The following NFE2 variants were observed in gnomAD, a reference collection of about 807,000 sequenced individuals.
The protein encoded by NFE2 is nuclear factor, erythroid 2, also known as transcription factor NF-E2 45 kDa subunit.
In NFE2, 13 loss-of-function variants were observed where a neutral mutation model predicts 25.8. That is an observed-to-expected ratio of 0.50 (90% CI 0.33 to 0.80). The LOEUF (loss-of-function observed/expected upper bound fraction) is 0.80. NFE2 is among the 30% of genes least tolerant of loss of function. The probability of loss-of-function intolerance (pLI) is 0.02; values close to 1 mark genes in which losing one functional copy is unlikely to be tolerated. For missense variants in NFE2, 382 were observed against 478.9 expected (o/e 0.80, Z 1.89); for synonymous variants, 204 against 200.2 (o/e 1.02, Z -0.16).
At chr12:54,293,407 T>C (rs754736360) in intron 2 of NFE2, 26 bp from the exon 3 acceptor site, 1 of 1,445,748 alleles carries the variant, frequency 6.9e-7, no homozygotes, top group African/African-American at 1.4e-5. Flanking sequence ...CAAAGAGATT[T>C]GGAGACAGAC....
Position 54,292,446 on chromosome 12 carries a change from G to A in NFE2, c.1050C>T (p.Tyr350=), listed in dbSNP as rs774101596. 6 of 1,614,064 alleles carry A rather than the reference G, an allele frequency of 3.7e-6. No individual in the cohort carries two copies. Among genetic ancestry groups the A allele is most frequent in the African/African-American group, 1.3e-5 (1 of 74,926 alleles). The change falls in exon 3 of 3, where the codon TAC becomes TAT. Residue 350 remains tyrosine, a synonymous_variant. Coordinates refer to ENST00000435572, the MANE Select transcript of NFE2 (RefSeq NM_001136023.3). Reference sequence around the variant, plus strand: ...TCCCATCGGCAGCCTGTTGCAGCGCGTACTCTTCAGGAGAGTAGCTGTTGC... The same window carrying A: ...TCCCATCGGCAGCCTGTTGCAGCGCATACTCTTCAGGAGAGTAGCTGTTGC... The part of the protein sequence containing the change: ...ESGNSYSPEE[Y]ALQQAADGTI...
At position 54,293,331 on chromosome 12, in the gene NFE2, T is replaced by C; in HGVS notation, c.165A>G (p.Pro55=). ...TTGTGGGTGGTGGAGGTCCAAGGTA[T>C]GGAGCTGGGGCTTGGGGCTCAAATG... ...EPSFEPQAPA[P]YLGPPPPTTY... is the part of the protein sequence containing the mutation. Residue 55 remains proline, a synonymous_variant, in exon 3 of 3, where the codon CCA becomes CCG. Transcript: ENST00000435572. The C allele has an allele frequency of 6.3e-7, 1 of 1,585,904 alleles. No homozygotes were observed. The highest frequency in any genetic ancestry group is 1.2e-5 in the South Asian group (1 of 86,608).
At position 54,295,316 on chromosome 12, in the gene NFE2, G is replaced by T. The variant is rs1285569110; in HGVS notation, c.-56-12C>A. On this transcript the variant is annotated splice_polypyrimidine_tract_variant and intron_variant, in intron 1 of 2. Coordinates refer to ENST00000435572, the MANE Select transcript of NFE2 (RefSeq NM_001136023.3). ...ATGGCTCTAGAAACCTGTGTCAAAG[G>T]AAAAGAGGTGTTAGAGCTACACCTG... 7.6e-7 allele frequency: 1 copy of T among 1,318,738 alleles called. No homozygotes were observed. Among genetic ancestry groups the T allele is most frequent in the Non-Finnish European group, 1.1e-6 (1 of 917,156 alleles). The allele number at this position is 1,318,738 out of a possible 1,614,324, so 81.7% of individuals were successfully genotyped here.
In NFE2 at chr12:54,292,351, C is replaced by T. The variant is rs774920736; in HGVS notation, c.*23G>A. On this transcript the variant is annotated 3_prime_UTR_variant, in exon 3 of 3. Transcript: ENST00000435572. ...AAGGGAATGAAGGAAATCCCATCAGCAGTTCCACCCCTCTGGGCCAGCTCA... is the reference window on the plus strand; with the variant it reads ...AAGGGAATGAAGGAAATCCCATCAGTAGTTCCACCCCTCTGGGCCAGCTCA... 1.2e-6 allele frequency: 2 copies of T among 1,602,492 alleles called. No homozygotes were observed. The highest frequency in any genetic ancestry group is 2.2e-5 in the South Asian group (2 of 90,394).
chr12:54,292,758 C>G lies in NFE2; in HGVS notation c.738G>C (p.Pro246=). 1.2e-6 allele frequency: 2 copies of G among 1,614,206 alleles called. No homozygotes were observed. Among genetic ancestry groups the G allele is most frequent in the Non-Finnish European group, 1.7e-6 (2 of 1,180,038 alleles). ...CCAATAGCTCATTAAAGTCATCTACCGGCAAGTTGACAATCTTGTCCGTAG... is the reference window on the plus strand; with the variant it reads ...CCAATAGCTCATTAAAGTCATCTACGGGCAAGTTGACAATCTTGTCCGTAG... ...PFPTDKIVNL[P]VDDFNELLAR... is the part of the protein sequence containing the mutation. Residue 246 remains proline, a synonymous_variant, in exon 3 of 3, where the codon CCG becomes CCC. Transcript: ENST00000435572.
In NFE2 at chr12:54,293,129, G is replaced by A; in HGVS notation, c.367C>T (p.Pro123Ser). Residue 123 changes from proline to serine, a missense_variant, in exon 3 of 3, where the codon CCC (proline) becomes TCC (serine). Physicochemically the swap from Pro to Ser is moderately conservative, Grantham distance 74. Coordinates refer to ENST00000435572, the MANE Select transcript of NFE2 (RefSeq NM_001136023.3). ...SGLLSEPLQDPLALLDIGLPA... is the reference protein window; with the variant it reads ...SGLLSEPLQDSLALLDIGLPA... Reference sequence around the variant, plus strand: ...AGCCCAATGTCCAGGAGGGCTAAGGGGTCTTGGAGCGGCTCACTGAGCAGG... The same window carrying A: ...AGCCCAATGTCCAGGAGGGCTAAGGAGTCTTGGAGCGGCTCACTGAGCAGG... 2 of 1,527,836 alleles carry A rather than the reference G, an allele frequency of 1.3e-6. No individual in the cohort carries two copies. The highest frequency in any genetic ancestry group is 1.3e-5 in the South Asian group (1 of 77,536). 94.6% of individuals were successfully genotyped at this position (1,527,836 alleles called of 1,614,324 possible). A position where few individuals can be genotyped will look rare whatever the true frequency, so the allele number is the denominator to read the frequency against.
At position 54,292,499 on chromosome 12, in the gene NFE2, T is replaced by C. The variant is rs1448351359; in HGVS notation, c.997A>G (p.Ile333Val). Residue 333 changes from isoleucine (I) to valine (V), a missense_variant, in exon 3 of 3, where the codon ATT (isoleucine) becomes GTT (valine). Physicochemically the swap from Ile to Val is conservative, Grantham distance 29. Transcript: ENST00000435572. The stretch of plus-strand genomic sequence containing the variant: ...GATTCATCCCGAAGGTGCTGGAAAA[T>C]GTCACGGTACAGCTCTGTCAGCTGT... ...RQQLTELYRD[I>V]FQHLRDESGN... is the part of the protein sequence containing the mutation. 1 of 1,614,110 alleles carries C rather than the reference T, an allele frequency of 6.2e-7. No individual in the cohort carries two copies. The highest frequency in any genetic ancestry group is 1.7e-5 in the Admixed American group (1 of 60,020).
chr12:54,292,583 G>C lies in NFE2; in HGVS notation c.913C>G (p.Arg305Gly). 6.2e-7 allele frequency: 1 copy of C among 1,614,126 alleles called. No individual in the cohort carries two copies. Among genetic ancestry groups the C allele is most frequent in the Non-Finnish European group, 8.5e-7 (1 of 1,180,032 alleles). The change falls in exon 3 of 3, where the codon CGG (arginine) becomes GGG (glycine). Residue 305 changes from arginine to glycine, a missense_variant. Coordinates refer to ENST00000435572, the MANE Select transcript of NFE2 (RefSeq NM_001136023.3). ...ERELERLTNE[R>G]ERLLRARGEA... ...CCGCGGGCCCTGAGAAGCCGCTCCC[G>C]TTCATTGGTCAGCCGCTCCAGCTCC...
chr12:54,296,519 T>C (rs1944374403), intron 1 of NFE2, among the ~76,000 whole-genome samples: 1 of 152,004 alleles, frequency 6.6e-6, no homozygotes, highest in African/African-American at 2.4e-5. Flanking sequence ...AACCTGACTC[T>C]ACCTGACTAT....
chr12:54,292,911 G>A lies in NFE2; in HGVS notation c.585C>T (p.Thr195=). 6.2e-7 allele frequency: 1 copy of A among 1,607,140 alleles called. No individual in the cohort carries two copies. The highest frequency in any genetic ancestry group is 1.1e-5 in the South Asian group (1 of 90,140). The change falls in exon 3 of 3, where the codon ACC becomes ACT. Residue 195 remains threonine (T), a synonymous_variant. Coordinates refer to ENST00000435572, the MANE Select transcript of NFE2 (RefSeq NM_001136023.3). ...CCAAGGGGGTCTCAGCAGCTGGCAA[G>A]GTATAGTTGGAGTGGGCCAAGGAGT... ...MPNSLAHSNY[T]LPAAETPLAL...
rs201402233 is a variant in NFE2 at position 54,292,632 on chromosome 12, C to T, written c.864G>A (p.Leu288=). 244 of 1,614,086 alleles carry T rather than the reference C, an allele frequency of 1.5e-4. No homozygotes were observed. Among genetic ancestry groups the T allele is most frequent in the Non-Finnish European group, 1.9e-4 (225 of 1,180,042 alleles). Reference sequence around the variant, plus strand: ...CCCGCTCCAGCTGCACAATGGTTTCCAGCTTCCTCTTGCGGCAGTTCTGGG... The same window carrying T: ...CCCGCTCCAGCTGCACAATGGTTTCTAGCTTCCTCTTGCGGCAGTTCTGGG... ...VAAQNCRKRK[L]ETIVQLEREL... The change falls in exon 3 of 3, where the codon CTG becomes CTA. Residue 288 remains leucine (L), a synonymous_variant. Coordinates refer to ENST00000435572, the MANE Select transcript of NFE2 (RefSeq NM_001136023.3).
rs751240754 is a variant in NFE2, at chr12:54,292,979, C to T, written c.517G>A (p.Val173Ile). 4 of 1,550,916 alleles carry T rather than the reference C, an allele frequency of 2.6e-6. No individual in the cohort carries two copies. Among genetic ancestry groups the T allele is most frequent in the South Asian group, 1.2e-5 (1 of 81,218 alleles). Residue 173 changes from valine (V) to isoleucine (I), a missense_variant, in exon 3 of 3, where the codon GTA becomes ATA. Coordinates refer to ENST00000435572, the MANE Select transcript of NFE2 (RefSeq NM_001136023.3). ...TEAGRRRSEY[V>I]EMYPVEYPYS... ...GGGTACTCCACTGGGTACATCTCTA[C>T]ATATTCGCTGCGCCGCCGACCAGCC... is the stretch of plus-strand genomic sequence containing the variant.
At chr12:54,294,440 G>C (rs1944349855) in intron 2 of NFE2, among the ~76,000 whole-genome samples, 1 of 152,096 alleles carries the variant, frequency 6.6e-6, no homozygotes, top group Non-Finnish European at 1.5e-5. Flanking sequence ...GATCCTGAGG[G>C]TGCTAAGCAT....
chr12:54,296,210 C>T (rs930326697), intron 1 of NFE2, among the ~76,000 whole-genome samples: 17 of 152,030 alleles, frequency 1.1e-4, no homozygotes, highest in African/African-American at 4.1e-4. Flanking sequence ...AGTTCGAGAC[C>T]AGCCTGGCCA....
chr12:54,298,421 C>T (rs888354347), intron 1 of NFE2, among the ~76,000 whole-genome samples: 2 of 149,486 alleles, frequency 1.3e-5, no homozygotes, highest in African/African-American at 2.5e-5. Flanking sequence ...GTGGGAGAAT[C>T]GCTTGAACCC....
intron 2 of NFE2, 82 bp downstream of exon 2, chr12:54,295,052 GC>G (rs1944357644): frequency 9.0e-7 from 1 of 1,106,696 alleles, no homozygotes; most frequent in Non-Finnish European, 1.4e-6. Flanking sequence ...GCTTGCTCCT[GC>G]CCTCTGCCTC....
chr12:54,292,422 C>A lies in NFE2; in HGVS notation c.1074G>T (p.Gly358=). 1.2e-6 allele frequency: 2 copies of A among 1,614,174 alleles called. No individual in the cohort carries two copies. Among genetic ancestry groups the A allele is most frequent in the Non-Finnish European group, 1.7e-6 (2 of 1,180,018 alleles). ...EEYALQQAAD[G]TIFLVPRGTK... Reference sequence around the variant, plus strand: ...TCCCCCGGGGCACAAGGAAGATGGTCCCATCGGCAGCCTGTTGCAGCGCGT... The same window carrying A: ...TCCCCCGGGGCACAAGGAAGATGGTACCATCGGCAGCCTGTTGCAGCGCGT... Residue 358 remains glycine, a synonymous_variant, in exon 3 of 3, where the codon GGG becomes GGT. Coordinates refer to ENST00000435572, the MANE Select transcript of NFE2 (RefSeq NM_001136023.3).
At chr12:54,298,622 G>A (rs1285350401) in intron 1 of NFE2, among the ~76,000 whole-genome samples, 2 of 151,976 alleles carry the variant, frequency 1.3e-5, no homozygotes, top group Admixed American at 6.6e-5. Context: ...AAGGCCATAG[G>A]TTGCATCTAG....
intron 2 of NFE2, among the ~76,000 whole-genome samples, chr12:54,293,845 C>T (rs577811728): frequency 6.6e-6 from 1 of 151,406 alleles, no homozygotes; most frequent in African/African-American, 2.4e-5. Flanking sequence ...GACTCCCTCT[C>T]AAAAAAAGAA....
Sources: gnomAD v4.1 joint callset for allele counts (sites outside exome capture counted in the v4.1 genomes callset) on GRCh38, gnomAD v4.1.1 for gene constraint, MANE v1.5 for transcripts, NCBI Gene and HGNC (gene_info 2026-07-23, HGNC 2026-07-21) for gene names.